The following FREM1 variants were observed in gnomAD, a reference collection of about 807,000 sequenced individuals.
FREM1 encodes FRAS1-related extracellular matrix protein 1.
In FREM1, 220 loss-of-function variants were observed where a neutral mutation model predicts 210.1. The ratio of observed to expected loss-of-function variants is 1.05; its 90% CI spans 0.94 to 1.17. The LOEUF (loss-of-function observed/expected upper bound fraction) is 1.17. FREM1 is among the 50% of genes most tolerant of loss of function. The pLI is 0.00. For synonymous variants in FREM1, 1,189 were observed against 980.2 expected (o/e 1.21, Z -3.98); for missense variants, 3,454 against 2,675.5 (o/e 1.29, Z -6.42).
rs1820844563 is a variant in FREM1, at chr9:14,819,258, C to T, written c.2522G>A (p.Gly841Asp). 6.2e-7 allele frequency: 1 copy of T among 1,613,156 alleles called. No homozygotes were observed. The highest frequency in any genetic ancestry group is 8.5e-7 in the Non-Finnish European group (1 of 1,179,400). Reference protein sequence around the residue: ...PLNSGGTFSWGDLHTLKVRYQ... With the variant: ...PLNSGGTFSWDDLHTLKVRYQ... ...CCTAACTTTTAAGGTATGGAGATCG[C>T]CCCAAGAAAATGTGCCCCCTGAATT... Residue 841 changes from glycine to aspartate, a missense_variant, in exon 14 of 37, where the codon GGC becomes GAC. Coordinates refer to ENST00000380880, the MANE Select transcript of FREM1 (RefSeq NM_001379081.2).
At chr9:14,882,442 A>AT (rs1834959878) in intron 1 of FREM1, among the ~76,000 whole-genome samples, 1 of 150,330 alleles carries the variant, frequency 6.7e-6, no homozygotes, top group Admixed American at 6.6e-5. Flanking sequence ...CCCGATTATT[A>AT]TTTTTTTAAT....
chr9:14,902,480 C>T (rs958747998), intron 1 of FREM1, among the ~76,000 whole-genome samples: 2 of 152,184 alleles, frequency 1.3e-5, no homozygotes, highest in Admixed American at 1.3e-4. Context: ...AAGCAACTTA[C>T]AAAGCCACAG....
At chr9:14,860,950 T>C (rs577821153) in intron 3 of FREM1, among the ~76,000 whole-genome samples, 1 of 126,266 alleles carries the variant, frequency 7.9e-6, no homozygotes, top group African/African-American at 3.4e-5. Flanking sequence ...CATATACACA[T>C]ATACACATAT....
intron 1 of FREM1, among the ~76,000 whole-genome samples, chr9:14,887,302 C>T (rs1056379141): frequency 7.8e-6 from 1 of 128,234 alleles, no homozygotes; most frequent in Admixed American, 7.6e-5. Flanking sequence ...AGTAAACATT[C>T]GAAGTGACTT....
At position 14,860,780 on chromosome 9, in the gene FREM1, T is replaced by C. The variant is rs867946741; in HGVS notation, c.330-1296A>G. ...ATATATGCACATATATACACATATA[T>C]ACATATATACATATATACACATATA... On this transcript the variant is annotated intron_variant, in intron 3 of 36. Coordinates refer to ENST00000380880, the MANE Select transcript of FREM1 (RefSeq NM_001379081.2). Among the ~76,000 whole-genome samples, 96 of 85,774 alleles carry C rather than the reference T, an allele frequency of 1.1e-3. 4 individuals are homozygous for C. The highest frequency in any genetic ancestry group is 2.3e-3 in the South Asian group (7 of 3,070). 56.3% of individuals were successfully genotyped at this position (85,774 alleles called of 152,430 possible).
intron 1 of FREM1, among the ~76,000 whole-genome samples, chr9:14,892,499 A>G (rs996509924): frequency 6.6e-6 from 1 of 152,090 alleles, no homozygotes; most frequent in African/African-American, 2.4e-5. Context: ...GTCTTTCCTA[A>G]GATTTAGGGG....
chr9:14,882,387 G>A (rs979840354), intron 1 of FREM1, among the ~76,000 whole-genome samples: 13 of 151,888 alleles, frequency 8.6e-5, no homozygotes, highest in Admixed American at 2.6e-4. Flanking sequence ...GCACCACAAT[G>A]CTGTTGAAAG....
intron 13 of FREM1, among the ~76,000 whole-genome samples, 200 bp downstream of exon 13, chr9:14,822,960 C>G (rs552105909): frequency 6.6e-6 from 1 of 152,238 alleles, no homozygotes; most frequent in South Asian, 2.1e-4. Flanking sequence ...AAAATCTCAC[C>G]TTTTACATAG....
intron 15 of FREM1, among the ~76,000 whole-genome samples, chr9:14,816,261 G>C (rs149504080): frequency 4.6e-5 from 7 of 152,228 alleles, no homozygotes; most frequent in Admixed American, 2.0e-4. Flanking sequence ...AGAGACAATA[G>C]CATAGTACTA....
intron 27 of FREM1, among the ~76,000 whole-genome samples, chr9:14,765,812 A>G (rs1169839681): frequency 6.6e-6 from 1 of 152,230 alleles, no homozygotes; most frequent in East Asian, 1.9e-4. Context: ...CTGAATTATC[A>G]AAGACTTCTG....
intron 14 of FREM1, among the ~76,000 whole-genome samples, chr9:14,818,058 C>T (rs895276925): frequency 3.3e-5 from 5 of 152,182 alleles, no homozygotes; most frequent in African/African-American, 1.2e-4. Flanking sequence ...GGGCAAATTC[C>T]TCAATCTCTT....
At chr9:14,778,704 G>A (rs1454322946) in intron 24 of FREM1, among the ~76,000 whole-genome samples, 1 of 70,310 alleles carries the variant, frequency 1.4e-5, no homozygotes, top group African/African-American at 4.5e-5. Flanking sequence ...GGAAGGGAAG[G>A]GAAGGGAAGG....
At chr9:14,856,549 T>C (rs1828763482) in intron 5 of FREM1, among the ~76,000 whole-genome samples, 1 of 152,200 alleles carries the variant, frequency 6.6e-6, no homozygotes, top group South Asian at 2.1e-4. Context: ...AACATCATCT[T>C]GGATCATCTT....
At chr9:14,740,806 C>T (rs1280633577) in intron 35 of FREM1, among the ~76,000 whole-genome samples, 3 of 152,076 alleles carry the variant, frequency 2.0e-5, no homozygotes, top group African/African-American at 7.2e-5. Context: ...CTTGTTTTTA[C>T]AAACATATGT....
chr9:14,892,041 C>G (rs1441487252), intron 1 of FREM1, among the ~76,000 whole-genome samples: 1 of 152,038 alleles, frequency 6.6e-6, no homozygotes, highest in Admixed American at 6.6e-5. Context: ...ATGGACTCAC[C>G]CTGAATTCTT....
intron 15 of FREM1, 104 bp from the exon 16 acceptor site, chr9:14,813,168 T>C: frequency 8.2e-7 from 1 of 1,225,100 alleles, no homozygotes; most frequent in South Asian, 1.6e-5. Flanking sequence ...ATTTTCATCT[T>C]ACAGACACAT....
At chr9:14,860,884 C>CACATATAT (rs1554707763) in intron 3 of FREM1, among the ~76,000 whole-genome samples, 4 of 57,272 alleles carry the variant, frequency 7.0e-5, no homozygotes, top group African/African-American at 2.4e-4. Flanking sequence ...CGTATATATA[C>CACATATAT]ACATATATAC....
intron 28 of FREM1, among the ~76,000 whole-genome samples, chr9:14,756,829 A>G (rs928686362): frequency 1.4e-4 from 22 of 152,258 alleles, no homozygotes; most frequent in African/African-American, 5.3e-4. Context: ...GGAGGGAGAA[A>G]ATTGATGAGG....
chr9:14,759,659 C>T, intron 28 of FREM1, 113 bp downstream of exon 28: 1 of 988,982 alleles, frequency 1.0e-6, no homozygotes. Context: ...TGGGATCTCC[C>T]TGCAATTTGA....
Sources: allele counts gnomAD v4.1 joint callset (sites outside exome capture counted in the v4.1 genomes callset), GRCh38; gene constraint gnomAD v4.1.1; transcripts MANE v1.5; gene names NCBI Gene and HGNC (gene_info 2026-07-23, HGNC 2026-07-21).